BICC1: variants seen among roughly 807,000 people sequenced by gnomAD.
BICC1 encodes the protein protein bicaudal C homolog 1.
A neutral mutation model predicts 111.0 loss-of-function variants in BICC1; 43 were observed. That is an observed-to-expected ratio of 0.39 (90% confidence interval 0.30 to 0.50). BICC1 has a LOEUF of 0.50. BICC1 is among the 20% of genes least tolerant of loss of function. BICC1 has a pLI of 0.88. For missense variants in BICC1, 1,091 were observed against 1,203.2 expected (o/e 0.91, Z 1.38); for synonymous variants, 467 against 434.4 (o/e 1.07, Z -0.93).
chr10:58,737,248 T>C (rs888256012), intron 3 of BICC1, among the ~76,000 whole-genome samples: 1 of 152,104 alleles, frequency 6.6e-6, no homozygotes, highest in Non-Finnish European at 1.5e-5. Flanking sequence ...TCCCTCTCCC[T>C]TCCCCCCACC....
At chr10:58,779,058 A>G (rs1241337256) in intron 3 of BICC1, among the ~76,000 whole-genome samples, 1 of 152,098 alleles carries the variant, frequency 6.6e-6, no homozygotes, top group Non-Finnish European at 1.5e-5. Context: ...AAAAAATGTG[A>G]TGTTGGTATG....
At chr10:58,797,593 C>G (rs1161911590) in intron 10 of BICC1, among the ~76,000 whole-genome samples, 1 of 152,118 alleles carries the variant, frequency 6.6e-6, no homozygotes, top group Admixed American at 6.5e-5. Flanking sequence ...TTAGCAGGAA[C>G]CTAGTTCATC....
At chr10:58,547,015 C>G (rs547683368) in intron 1 of BICC1, among the ~76,000 whole-genome samples, 1 of 152,170 alleles carries the variant, frequency 6.6e-6, no homozygotes, top group Admixed American at 6.5e-5. Context: ...TTTAAGCAAC[C>G]TTTTTATTTT....
intron 3 of BICC1, among the ~76,000 whole-genome samples, chr10:58,712,668 C>T (rs1449745746): frequency 1.3e-5 from 2 of 152,010 alleles, no homozygotes; most frequent in African/African-American, 2.4e-5. Context: ...ACTTTGGAGA[C>T]AGTAAAAAGA....
rs140895290 is a variant in BICC1 at position 58,583,208 on chromosome 10, C to T, written c.191-37647C>T. On this transcript the variant is annotated intron_variant, in intron 1 of 20. Transcript: ENST00000373886. ...CTATCATGAACTTTTATGGATTCTG[C>T]TGCCAAGGTAGATTTCTTAAAATTT... Among the ~76,000 whole-genome samples the T allele has an allele frequency of 1.2e-3, 185 of 152,266 alleles. 5 individuals carry two copies. The East Asian group carries it at 0.032, about 26-fold the overall frequency.
intron 3 of BICC1, among the ~76,000 whole-genome samples, chr10:58,726,388 C>G (rs902711087): frequency 6.6e-6 from 1 of 152,124 alleles, no homozygotes; most frequent in Non-Finnish European, 1.5e-5. Flanking sequence ...ATCTCAAAGT[C>G]GAGAACAGGC....
chr10:58,686,167 T>G (rs1013191740), intron 2 of BICC1, among the ~76,000 whole-genome samples: 1 of 152,236 alleles, frequency 6.6e-6, no homozygotes, highest in Non-Finnish European at 1.5e-5. Flanking sequence ...GAAAATTCTT[T>G]TCTTTAAGAA....
chr10:58,786,508 A>C (rs773606647), intron 4 of BICC1, among the ~76,000 whole-genome samples: 29 of 152,120 alleles, frequency 1.9e-4, no homozygotes, highest in Non-Finnish European at 3.8e-4. Context: ...ATTTTGTATC[A>C]TCTTAGTTAT....
At chr10:58,785,720 C>T (rs751301991) in intron 4 of BICC1, among the ~76,000 whole-genome samples, 5 of 152,196 alleles carry the variant, frequency 3.3e-5, no homozygotes, top group Non-Finnish European at 5.9e-5. Flanking sequence ...ACATTTTACA[C>T]TTATTAATTT....
chr10:58,639,489 G>A (rs1838054212), intron 2 of BICC1, among the ~76,000 whole-genome samples: 1 of 150,408 alleles, frequency 6.6e-6, no homozygotes, highest in Admixed American at 6.6e-5. Flanking sequence ...CTGCCTCCTG[G>A]GTTCAAGCAA....
chr10:58,764,875 TTTAG>T (rs1842415278), intron 3 of BICC1, among the ~76,000 whole-genome samples: 2 of 152,148 alleles, frequency 1.3e-5, no homozygotes, highest in South Asian at 4.1e-4. Context: ...AGAAACAGGT[TTTAG>T]TTAAGTTACT....
chr10:58,820,310 A>C (rs1844217189), intron 19 of BICC1, 59 bp from the exon 20 acceptor site: 1 of 1,150,322 alleles, frequency 8.7e-7, no homozygotes. Flanking sequence ...TTGATCCTAC[A>C]GTGGGAAAGA....
intron 20 of BICC1, among the ~76,000 whole-genome samples, chr10:58,821,027 C>A (rs1844237870): frequency 1.3e-5 from 2 of 152,058 alleles, no homozygotes; most frequent in Non-Finnish European, 2.9e-5. Context: ...GTCTGTCTCC[C>A]TAGGCCACTT....
intron 3 of BICC1, among the ~76,000 whole-genome samples, chr10:58,767,590 A>T (rs959060560): frequency 1.3e-5 from 2 of 152,198 alleles, no homozygotes; most frequent in Non-Finnish European, 2.9e-5. Context: ...AAAGAAGTAG[A>T]GGTCTACAAA....
chr10:58,784,930 AAC>A, intron 3 of BICC1, 69 bp from the exon 4 acceptor site: 1 of 786,378 alleles, frequency 1.3e-6, no homozygotes, highest in Non-Finnish European at 2.0e-6. Context: ...TCAATTTTAA[AAC>A]AGAGTTTTTA....
chr10:58,814,167 TCTCA>T, intron 18 of BICC1, 181 bp downstream of exon 18: 2 of 713,442 alleles, frequency 2.8e-6, no homozygotes, highest in Non-Finnish European at 5.0e-6. Flanking sequence ...TTCTCTTTCC[TCTCA>T]CTCCATTTTG....
At position 58,653,679 on chromosome 10, in the gene BICC1, C is replaced by CT. The variant is rs71033696; in HGVS notation, c.237+32789dup. On this transcript the variant is annotated intron_variant, in intron 2 of 20. Transcript: ENST00000373886. The stretch of plus-strand genomic sequence containing the variant: ...CATCCTTTTACAAGTATTGTTCTTT[C>CT]TTTTTTTTTTTATTATTATGCTTTA... Among the ~76,000 whole-genome samples, 1,464 of 150,602 alleles carry CT rather than the reference C, an allele frequency of 9.7e-3. 25 individuals are homozygous for CT. The highest frequency in any genetic ancestry group is 0.034 in the African/African-American group (1,383 of 41,048).
intron 1 of BICC1, among the ~76,000 whole-genome samples, chr10:58,523,992 A>G (rs1282886738): frequency 3.3e-5 from 5 of 152,062 alleles, no homozygotes; most frequent in Non-Finnish European, 7.4e-5. Flanking sequence ...CCAACGTACA[A>G]GGGATGTGAA....
At chr10:58,626,247 GA>G (rs1023093354) in intron 2 of BICC1, among the ~76,000 whole-genome samples, 2 of 152,172 alleles carry the variant, frequency 1.3e-5, no homozygotes, top group African/African-American at 4.8e-5. Flanking sequence ...CATTACTAAT[GA>G]AAACTTAGGG....
Sources: gnomAD v4.1 joint callset for allele counts (sites outside exome capture counted in the v4.1 genomes callset) on GRCh38, gnomAD v4.1.1 for gene constraint, MANE v1.5 for transcripts, NCBI Gene and HGNC (gene_info 2026-07-23, HGNC 2026-07-21) for gene names.